Variants in PRKCQ observed in about 807,000 individuals in gnomAD.
The protein encoded by PRKCQ is protein kinase C theta, also known as protein kinase C theta type.
Under a neutral mutation model 91.2 loss-of-function variants are expected in PRKCQ, and 41 were observed. The ratio of observed to expected loss-of-function variants is 0.45; its 90% confidence interval spans 0.35 to 0.58. The LOEUF (loss-of-function observed/expected upper bound fraction) is 0.58. Ranked by LOEUF, PRKCQ falls within the 20% of genes least tolerant of loss-of-function variation. PRKCQ has a pLI of 0.00. For missense variants in PRKCQ, 673 were observed against 896.5 expected, an observed-to-expected ratio of 0.75 and a Z score of 3.18; for synonymous variants, 307 against 316.9, an observed-to-expected ratio of 0.97 and a Z score of 0.33.
At chr10:6,492,728 A>G (rs1247200840) in intron 7 of PRKCQ, among the ~76,000 whole-genome samples, 1 of 152,262 alleles carries the variant, frequency 6.6e-6, no homozygotes, top group East Asian at 1.9e-4. Flanking sequence ...TGCAGGAACA[A>G]CAAAACACTT....
At chr10:6,530,027 T>C (rs1839334775) in intron 1 of PRKCQ, among the ~76,000 whole-genome samples, 2 of 152,118 alleles carry the variant, frequency 1.3e-5, no homozygotes, top group Non-Finnish European at 2.9e-5. Context: ...GACACACACA[T>C]TTGTTTTTTG....
At chr10:6,490,294 C>T (rs536756661) in intron 8 of PRKCQ, among the ~76,000 whole-genome samples, 46 of 152,030 alleles carry the variant, frequency 3.0e-4, no homozygotes, top group African/African-American at 1.0e-3. Flanking sequence ...GGGGAGAATG[C>T]GGAAGATGCT....
the PRKCQ span, among the ~76,000 whole-genome samples, chr10:6,394,977 G>C: frequency 1.3e-5 from 2 of 151,852 alleles, no homozygotes; most frequent in Admixed American, 6.6e-5. Flanking sequence ...CGCCTAGAGG[G>C]AGCCGATTTA....
rs1835616277 is a variant in PRKCQ, at chr10:6,465,702, C to G, written c.1354-1298G>C. Among the ~76,000 whole-genome samples, 1 of 152,206 alleles carries G rather than the reference C, an allele frequency of 6.6e-6. No homozygotes were observed. The highest frequency in any genetic ancestry group is 2.4e-5 in the African/African-American group (1 of 41,464). The stretch of plus-strand genomic sequence containing the variant: ...AGGAGGTAATAGTAGAAACATTGTT[C>G]TGGTCTGACAGTGAGACTCCTTGCC... On this transcript the variant is annotated intron_variant, in intron 12 of 17. Transcript: ENST00000263125. This position sits in a 1 kb window ranked among gnomAD's most constrained non-coding sequence, Gnocchi z 4.4.
chr10:6,441,902 A>G lies in PRKCQ; in HGVS notation c.1827T>C (p.Leu609=). Residue 609 remains leucine (L), a synonymous_variant, in exon 16 of 18, where the codon CTT becomes CTC. Transcript: ENST00000263125. ...PRWLEKEAKD[L]LVKLFVREPE... is the part of the protein sequence containing the mutation. ...TGGCTTCGCTTCTTACCTTCACCAGAAGGTCCTTTGCTTCCTTCTCCAGCC... is the reference window on the plus strand; with the variant it reads ...TGGCTTCGCTTCTTACCTTCACCAGGAGGTCCTTTGCTTCCTTCTCCAGCC... 1 of 1,603,102 alleles carries G rather than the reference A, an allele frequency of 6.2e-7. No individual in the cohort carries two copies. The highest frequency in any genetic ancestry group is 1.1e-5 in the South Asian group (1 of 90,728).
chr10:6,445,646 T>C (rs1834241540), intron 15 of PRKCQ, among the ~76,000 whole-genome samples: 1 of 152,240 alleles, frequency 6.6e-6, no homozygotes. Context: ...AACAGAATTT[T>C]GCAATGTTAC....
intron 1 of PRKCQ, among the ~76,000 whole-genome samples, chr10:6,515,785 A>G (rs1330730137): frequency 6.7e-6 from 1 of 149,458 alleles, no homozygotes; most frequent in East Asian, 1.9e-4. Flanking sequence ...TTTCTCATAT[A>G]AGGATGAACA....
chr10:6,467,389 CAGAGAGAG>C (rs1160599680), intron 12 of PRKCQ, among the ~76,000 whole-genome samples: 1,382 of 27,682 alleles, frequency 0.05, 48 homozygotes, highest in African/African-American at 0.08. Flanking sequence ...GAGAGACAGA[CAGAGAGAG>C]AGAGAGAGAG....
intron 7 of PRKCQ, among the ~76,000 whole-genome samples, chr10:6,496,279 A>C (rs1313973520): frequency 6.6e-6 from 1 of 151,882 alleles, no homozygotes; most frequent in Admixed American, 6.6e-5. Context: ...TCCTAAATAC[A>C]TATAAATTTT....
chr10:6,443,277 T>C (rs75826612), intron 15 of PRKCQ, among the ~76,000 whole-genome samples: 1 of 152,156 alleles, frequency 6.6e-6, no homozygotes, highest in East Asian at 1.9e-4. Context: ...GTAGGACCCA[T>C]CCATGGATGA....
At chr10:6,523,714 T>C (rs558668576) in intron 1 of PRKCQ, among the ~76,000 whole-genome samples, 1 of 152,340 alleles carries the variant, frequency 6.6e-6, no homozygotes, top group Admixed American at 6.5e-5. Context: ...ACATTATTAA[T>C]CTTCTGACAC....
At chr10:6,531,483 A>AC (rs931452344) in intron 1 of PRKCQ, among the ~76,000 whole-genome samples, 9 of 150,308 alleles carry the variant, frequency 6.0e-5, no homozygotes, top group African/African-American at 2.0e-4. Flanking sequence ...TCCCCCAAGC[A>AC]CCCCCCCAAA....
downstream of PRKCQ, among the ~76,000 whole-genome samples, chr10:6,423,668 A>T (rs2132208490): frequency 6.6e-6 from 1 of 152,286 alleles, no homozygotes; most frequent in South Asian, 2.1e-4. Context: ...CTGCGGTGGC[A>T]GGACGACCCT....
chr10:6,450,529 G>C (rs1344715990), intron 15 of PRKCQ, among the ~76,000 whole-genome samples: 1 of 152,308 alleles, frequency 6.6e-6, no homozygotes, highest in East Asian at 1.9e-4. Context: ...CAATGAGACA[G>C]AAAGTTAACA....
At chr10:6,421,076 C>G in the PRKCQ span, among the ~76,000 whole-genome samples, 1 of 152,052 alleles carries the variant, frequency 6.6e-6, no homozygotes. This position sits in a 1 kb window ranked among gnomAD's most constrained non-coding sequence, Gnocchi z 4.1. Flanking sequence ...CATTTTCTAG[C>G]TCTAGTTTTC....
At chr10:6,446,380 T>TTTC (rs1160006686) in intron 15 of PRKCQ, among the ~76,000 whole-genome samples, 7 of 148,772 alleles carry the variant, frequency 4.7e-5, no homozygotes, top group Non-Finnish European at 5.9e-5. Flanking sequence ...TTTTTTTTTT[T>TTTC]TGGAGACAGA....
chr10:6,452,449 C>G (rs1360561031), intron 15 of PRKCQ, among the ~76,000 whole-genome samples: 1 of 151,976 alleles, frequency 6.6e-6, no homozygotes, highest in Non-Finnish European at 1.5e-5. Context: ...AAGAACATTC[C>G]ATGCTCATGG....
intron 1 of PRKCQ, among the ~76,000 whole-genome samples, chr10:6,538,993 A>C (rs6602804): frequency 0.53 from 80,980 of 151,966 alleles, 24,574 homozygotes; most frequent in South Asian, 0.66. Context: ...TGAATTCCTG[A>C]GCTCAGGCAA....
the PRKCQ span, among the ~76,000 whole-genome samples, chr10:6,419,559 GTAT>G: frequency 6.6e-6 from 1 of 151,946 alleles, no homozygotes; most frequent in Non-Finnish European, 1.5e-5. Flanking sequence ...TCCATTTAAT[GTAT>G]TATAATTATC....
Sources: gnomAD v4.1 joint callset for allele counts (sites outside exome capture counted in the v4.1 genomes callset) on GRCh38, gnomAD v4.1.1 for gene constraint, Gnocchi (gnomAD v3.1) non-coding constraint, MANE v1.5 for transcripts, NCBI Gene and HGNC (gene_info 2026-07-23, HGNC 2026-07-21) for gene names.